Variants in TNIK observed in about 807,000 individuals in gnomAD.
TNIK encodes the protein TRAF2 and NCK-interacting protein kinase.
A neutral mutation model predicts 191.3 loss-of-function variants in TNIK; 49 were observed. The ratio of observed to expected loss-of-function variants is 0.26; its 90% CI spans 0.20 to 0.32. TNIK has a LOEUF of 0.32. Ranked by LOEUF, TNIK falls within the 10% of genes least tolerant of loss-of-function variation. The pLI, the probability that TNIK is intolerant of heterozygous loss-of-function variation, is 1.00. For synonymous variants in TNIK, 594 were observed against 600.9 expected (o/e 0.99, Z 0.17); for missense variants, 1,155 against 1,702.3 (o/e 0.68, Z 5.66).
At chr3:171,437,687 A>G (rs1314550497) in intron 1 of TNIK, among the ~76,000 whole-genome samples, 1 of 152,238 alleles carries the variant, frequency 6.6e-6, no homozygotes, top group Non-Finnish European at 1.5e-5. Context: ...TGTAGATTCC[A>G]TCATTCTCAA....
At chr3:171,289,119 T>C (rs1751391403) in intron 2 of TNIK, among the ~76,000 whole-genome samples, 1 of 152,080 alleles carries the variant, frequency 6.6e-6, no homozygotes, top group South Asian at 2.1e-4. Flanking sequence ...CACAAATAGC[T>C]CATTAGCTCA....
rs370759506 is a variant in TNIK, at chr3:171,420,966, T to A, written c.57+39041A>T. On this transcript the variant is annotated intron_variant, in intron 1 of 32. Transcript: ENST00000436636. ...CAATTTAAAACTTATGAACTGTTTA[T>A]TTATGGAATTTTCCATTTAATATTT... Among the ~76,000 whole-genome samples, 8 of 152,302 alleles carry A rather than the reference T, an allele frequency of 5.3e-5. 1 individual carries two copies. The South Asian group carries it at 1.7e-3, about 32-fold the overall frequency.
chr3:171,174,513 G>T (rs6798337), intron 9 of TNIK, among the ~76,000 whole-genome samples: 4 of 152,106 alleles, frequency 2.6e-5, no homozygotes, highest in Non-Finnish European at 5.9e-5. Context: ...TAATAAGATA[G>T]GAAGATCCCA....
chr3:171,376,000 T>C (rs1261155775), intron 1 of TNIK, among the ~76,000 whole-genome samples: 1 of 152,162 alleles, frequency 6.6e-6, no homozygotes, highest in Non-Finnish European at 1.5e-5. Context: ...GAATGACTGC[T>C]ACCCCCGGAT....
At chr3:171,358,670 C>T (rs887299620) in intron 2 of TNIK, among the ~76,000 whole-genome samples, 2 of 152,114 alleles carry the variant, frequency 1.3e-5, no homozygotes, top group African/African-American at 2.4e-5. Flanking sequence ...TAGATATAAA[C>T]AGGGTAGAAA....
chr3:171,253,105 T>A (rs1214232873), intron 2 of TNIK, among the ~76,000 whole-genome samples: 1 of 150,064 alleles, frequency 6.7e-6, no homozygotes, highest in Non-Finnish European at 1.5e-5. Context: ...TGAAACCTCG[T>A]CTTTACTAAA....
At chr3:171,388,568 C>A (rs1312374926) in intron 1 of TNIK, among the ~76,000 whole-genome samples, 1 of 152,198 alleles carries the variant, frequency 6.6e-6, no homozygotes, top group African/African-American at 2.4e-5. Context: ...GTGTCTCCCA[C>A]AAAGGGTGAC....
At chr3:171,140,576 A>G in intron 12 of TNIK, 67 bp from the exon 13 acceptor site, 1 of 1,478,104 alleles carries the variant, frequency 6.8e-7, no homozygotes, top group South Asian at 1.1e-5. Context: ...GGGAGCCAGC[A>G]GGAAAAGCTG....
intron 1 of TNIK, among the ~76,000 whole-genome samples, chr3:171,397,092 G>C (rs921357502): frequency 6.6e-6 from 1 of 152,204 alleles, no homozygotes; most frequent in Non-Finnish European, 1.5e-5. Flanking sequence ...TTAAGGAGCA[G>C]AAGCTTCATC....
At chr3:171,093,330 T>C (rs1722304088) in intron 23 of TNIK, among the ~76,000 whole-genome samples, 1 of 152,250 alleles carries the variant, frequency 6.6e-6, no homozygotes. Context: ...ATTTTTGAAG[T>C]AGATCTGCCT....
At chr3:171,202,953 G>A (rs1739597774) in intron 4 of TNIK, among the ~76,000 whole-genome samples, 1 of 152,182 alleles carries the variant, frequency 6.6e-6, no homozygotes, top group African/African-American at 2.4e-5. Flanking sequence ...ATGAAGGAAA[G>A]GAGCTGTTTA....
At chr3:171,111,007 T>G in intron 18 of TNIK, 130 bp from the exon 19 acceptor site, 1 of 905,484 alleles carries the variant, frequency 1.1e-6, no homozygotes, top group Non-Finnish European at 1.5e-6. Context: ...AGAAAACGAA[T>G]AACCCAATTA....
At position 171,138,300 on chromosome 3, in the gene TNIK, A is replaced by C. The variant is rs1281028613; in HGVS notation, c.1499T>G (p.Leu500Ter). Residue 500 changes from leucine (L) to a stop codon, truncating the protein, a stop_gained, in exon 15 of 33, where the codon TTA (leucine) becomes TGA (stop). Transcript: ENST00000436636. LOFTEE classifies it high-confidence loss of function. ...CTGCCGCTGATGCTGAAGGGAAACT[A>C]AGTAGTCTCTTTCTTGCTTTAGCTG... ...QRQLKQERDY[L>*]VSLQHQRQEQ... 6.2e-7 allele frequency: 1 copy of C among 1,613,372 alleles called. No homozygotes were observed. Among genetic ancestry groups the C allele is most frequent in the East Asian group, 2.2e-5 (1 of 44,818 alleles).
At chr3:171,279,849 T>A (rs1377685073) in intron 2 of TNIK, among the ~76,000 whole-genome samples, 1 of 152,142 alleles carries the variant, frequency 6.6e-6, no homozygotes, top group East Asian at 1.9e-4. Flanking sequence ...CCTACAAAGC[T>A]AATAGGAGGT....
chr3:171,193,233 A>G (rs1423005099), intron 5 of TNIK, among the ~76,000 whole-genome samples: 1 of 152,184 alleles, frequency 6.6e-6, no homozygotes, highest in African/African-American at 2.4e-5. Flanking sequence ...AATCCTGATA[A>G]CTGGTAGCAT....
Position 171,123,623 on chromosome 3 carries a change from C to G in TNIK, c.2093G>C (p.Arg698Thr), listed in dbSNP as rs370847540. Residue 698 changes from arginine (R) to threonine (T), a missense_variant, in exon 18 of 33, where the codon AGA becomes ACA. By Grantham distance (71) the Arg-to-Thr change is moderately conservative. This residue lies in a region of TNIK where 735 missense variants were observed against 848.0 expected (regional missense o/e 0.87). Coordinates refer to ENST00000436636, the MANE Select transcript of TNIK (RefSeq NM_015028.4). ...SPGNGSALGP[R>T]LGSQPIRASN... ...TGCTCTGATGGGTTGAGATCCTAGT[C>G]TGGGTCCCAGAGCACTACCATTCCC... 6.4e-7 allele frequency: 1 copy of G among 1,570,962 alleles called. No homozygotes were observed. Among genetic ancestry groups the G allele is most frequent in the Non-Finnish European group, 8.7e-7 (1 of 1,155,866 alleles).
rs143704401 is a variant in TNIK, at chr3:171,289,901, CAAA to C, written c.124-61683_124-61681del. Among the ~76,000 whole-genome samples, 196 of 77,864 alleles carry C rather than the reference CAAA, an allele frequency of 2.5e-3. 2 individuals are homozygous for C. Among genetic ancestry groups the C allele is most frequent in the African/African-American group, 7.7e-3 (186 of 24,228 alleles). The allele number at this position is 77,864 out of a possible 152,430, so 51.1% of individuals were successfully genotyped here. A position where few individuals can be genotyped will look rare whatever the true frequency, so the allele number is the denominator to read the frequency against. On this transcript the variant is annotated intron_variant, in intron 2 of 32. Coordinates refer to ENST00000436636, the MANE Select transcript of TNIK (RefSeq NM_015028.4). ...TGGGTGACAGGGCCAGACTCCGTCT[CAAA>C]AAAAAAAAAAAAAAAAAAGTGTAAA...
intron 9 of TNIK, among the ~76,000 whole-genome samples, chr3:171,168,587 T>G (rs1033848738): frequency 1.3e-4 from 20 of 152,224 alleles, no homozygotes; most frequent in African/African-American, 4.8e-4. Context: ...TGGTATTTTT[T>G]TTTTCCGCTC....
chr3:171,068,938 T>C lies in TNIK; in HGVS notation c.3609A>G (p.Gln1203=). The C allele has an allele frequency of 6.2e-7, 1 of 1,613,884 alleles. No individual in the cohort carries two copies. The change falls in exon 30 of 33, where the codon CAA becomes CAG. Residue 1203 remains glutamine, a synonymous_variant. Coordinates refer to ENST00000436636, the MANE Select transcript of TNIK (RefSeq NM_015028.4). ...LLVDLTVEEG[Q]RLKVIFGSHT... ...GTGAACCAAAAATAACCTTTAATCT[T>C]TGACCTTCTTCTACCGTGAGATCAA... is the stretch of plus-strand genomic sequence containing the variant.
Sources: gnomAD v4.1 joint callset for allele counts (sites outside exome capture counted in the v4.1 genomes callset) on GRCh38, gnomAD v4.1.1 for gene constraint, gnomAD v4.1.1 regional missense constraint, MANE v1.5 for transcripts, NCBI Gene and HGNC (gene_info 2026-07-23, HGNC 2026-07-21) for gene names.